The following ERG variants were observed in gnomAD, a reference collection of about 807,000 sequenced individuals.
ERG encodes the protein ETS transcription factor ERG, also known as transcriptional regulator ERG.
ERG carries 9 observed loss-of-function variants against 55.3 expected under a neutral mutation model. That is an observed-to-expected ratio of 0.16 (90% CI 0.10 to 0.28). ERG has a LOEUF of 0.28. Among genes scored for constraint, ERG ranks in the 10% least tolerant of loss-of-function variants. The pLI is 1.00. For missense variants in ERG, 434 were observed against 631.6 expected (o/e 0.69, Z 3.35); for synonymous variants, 223 against 237.3 (o/e 0.94, Z 0.55).
At chr21:38,421,856 AT>A (rs1989559057) in intron 3 of ERG, among the ~76,000 whole-genome samples, 1 of 152,004 alleles carries the variant, frequency 6.6e-6, no homozygotes, top group Non-Finnish European at 1.5e-5. Flanking sequence ...TTATTTTTTT[AT>A]TTTTATTATT....
chr21:38,421,445 G>A (rs1401220921), intron 3 of ERG, among the ~76,000 whole-genome samples: 3 of 152,154 alleles, frequency 2.0e-5, no homozygotes, highest in Non-Finnish European at 2.9e-5. Flanking sequence ...TCAAATCCAG[G>A]CCAGATGTTT....
At chr21:38,547,896 C>T (rs765984248) in intron 2 of ERG, among the ~76,000 whole-genome samples, 12 of 148,722 alleles carry the variant, frequency 8.1e-5, no homozygotes, top group Non-Finnish European at 1.6e-4. Context: ...AGGGTCTAAC[C>T]ACAAGGCATA....
chr21:38,426,082 C>T (rs1989811776), intron 2 of ERG, among the ~76,000 whole-genome samples: 1 of 152,196 alleles, frequency 6.6e-6, no homozygotes, highest in Non-Finnish European at 1.5e-5. Flanking sequence ...AGGACTCAGG[C>T]CCTAACATGG....
At chr21:38,537,528 AT>A (rs1601206374) in intron 2 of ERG, among the ~76,000 whole-genome samples, 2 of 152,224 alleles carry the variant, frequency 1.3e-5, no homozygotes, top group East Asian at 3.9e-4. Flanking sequence ...CTTGAACAGA[AT>A]TTTTTCCAAA....
intron 2 of ERG, among the ~76,000 whole-genome samples, chr21:38,540,215 C>T (rs2059742631): frequency 6.6e-6 from 1 of 152,116 alleles, no homozygotes; most frequent in Admixed American, 6.6e-5. Flanking sequence ...AATATTCAAA[C>T]ATATTTGGTT....
At chr21:38,405,380 T>C (rs1313085901) in intron 3 of ERG, among the ~76,000 whole-genome samples, 2 of 152,152 alleles carry the variant, frequency 1.3e-5, no homozygotes, top group South Asian at 2.1e-4. Context: ...TTAGTGAATG[T>C]CCCCTGTCCA....
chr21:38,405,440 C>T (rs1377322383), intron 3 of ERG, among the ~76,000 whole-genome samples: 1 of 152,104 alleles, frequency 6.6e-6, no homozygotes, highest in Non-Finnish European at 1.5e-5. Flanking sequence ...GGCCTGGGGT[C>T]CTTTCTGGAA....
chr21:38,424,184 CGAGCTCT>C (rs1555896873), intron 2 of ERG, among the ~76,000 whole-genome samples: 4 of 63,248 alleles, frequency 6.3e-5, no homozygotes, highest in Admixed American at 6.1e-4. Context: ...GACCAGAGCT[CGAGCTCT>C]CTCTCTCTCT....
chr21:38,464,084 T>A (rs893287071), intron 1 of ERG, among the ~76,000 whole-genome samples: 1 of 152,178 alleles, frequency 6.6e-6, no homozygotes, highest in Non-Finnish European at 1.5e-5. Context: ...CATGTTTTTT[T>A]TTTATGAAAT....
chr21:38,394,997 C>T (rs568291217), intron 6 of ERG, among the ~76,000 whole-genome samples: 1 of 152,176 alleles, frequency 6.6e-6, no homozygotes, highest in Admixed American at 6.5e-5. Context: ...TTCACAAAAT[C>T]CTTCATATGG....
chr21:38,381,692 G>A lies in ERG; in HGVS notation c.*1711C>T. The A allele has an allele frequency of 9.4e-7, 1 of 1,063,482 alleles. No homozygotes were observed. Among genetic ancestry groups the A allele is most frequent in the African/African-American group, 1.6e-5 (1 of 61,096 alleles). The allele number at this position is 1,063,482 out of a possible 1,614,324, so 65.9% of individuals were successfully genotyped here. A position where few individuals can be genotyped will look rare whatever the true frequency, so the allele number is the denominator to read the frequency against. ...TATTTTAATCATAGCAGGAATTAAGGGTGATTTGTGACCAGGTGCTGAACT... is the reference window on the plus strand; with the variant it reads ...TATTTTAATCATAGCAGGAATTAAGAGTGATTTGTGACCAGGTGCTGAACT... On this transcript the variant is annotated 3_prime_UTR_variant, in exon 10 of 10. Coordinates refer to ENST00000288319, the MANE Select transcript of ERG (RefSeq NM_182918.4).
At chr21:38,443,384 A>G (rs1029233819) in intron 2 of ERG, among the ~76,000 whole-genome samples, 1 of 152,112 alleles carries the variant, frequency 6.6e-6, no homozygotes, top group Non-Finnish European at 1.5e-5. Flanking sequence ...AATTGCTCAT[A>G]GGTAGAAATT....
At chr21:38,407,639 T>C (rs1988832802) in intron 3 of ERG, among the ~76,000 whole-genome samples, 1 of 147,078 alleles carries the variant, frequency 6.8e-6, no homozygotes, top group African/African-American at 2.5e-5. Flanking sequence ...AAAAGGTATA[T>C]ATATATTTAA....
At chr21:38,402,670 GA>G (rs141961937) in intron 4 of ERG, 33 bp from the exon 5 acceptor site, 3,707 of 583,046 alleles carry the variant, frequency 6.4e-3, no homozygotes, top group South Asian at 0.015. Flanking sequence ...ACATCAAAAT[GA>G]AAAAAAAAAG....
chr21:38,383,346 A>T lies in ERG; in HGVS notation c.*57T>A. Reference sequence around the variant, plus strand: ...ACTTTTGATTCATGTTCTCCGATAGAGTTTGTGGCGATGGGCTGGTGAATG... The same window carrying T: ...ACTTTTGATTCATGTTCTCCGATAGTGTTTGTGGCGATGGGCTGGTGAATG... On this transcript the variant is annotated 3_prime_UTR_variant, in exon 10 of 10. Transcript: ENST00000288319. This position sits in a 1 kb window ranked among gnomAD's most constrained non-coding sequence, Gnocchi z 5.7. 9.1e-6 allele frequency: 13 copies of T among 1,427,086 alleles called. No homozygotes were observed. The highest frequency in any genetic ancestry group is 1.2e-5 in the Non-Finnish European group (13 of 1,085,580). The allele number at this position is 1,427,086 out of a possible 1,614,324, so 88.4% of individuals were successfully genotyped here.
chr21:38,506,610 A>G (rs2059462593), intron 2 of ERG, among the ~76,000 whole-genome samples: 1 of 152,200 alleles, frequency 6.6e-6, no homozygotes, highest in Non-Finnish European at 1.5e-5. Context: ...TCCAAACATT[A>G]TGCACTTAAG....
intron 1 of ERG, among the ~76,000 whole-genome samples, chr21:38,651,069 G>A (rs1568973829): frequency 6.6e-6 from 1 of 152,246 alleles, no homozygotes; most frequent in Non-Finnish European, 1.5e-5. Flanking sequence ...GTCGCAGCAT[G>A]ATTCCGGCAA....
chr21:38,539,959 C>T (rs1010566185), intron 2 of ERG, among the ~76,000 whole-genome samples: 9 of 147,768 alleles, frequency 6.1e-5, no homozygotes, highest in African/African-American at 2.3e-4. Flanking sequence ...TACAGTGGCA[C>T]GATCTTGGCT....
intron 3 of ERG, among the ~76,000 whole-genome samples, chr21:38,419,966 C>T (rs1989461671): frequency 6.6e-6 from 1 of 151,944 alleles, no homozygotes; most frequent in Admixed American, 6.6e-5. Context: ...AGGGCCACTG[C>T]TATCTCTAGT....
Sources: allele counts gnomAD v4.1 joint callset (sites outside exome capture counted in the v4.1 genomes callset), GRCh38; gene constraint gnomAD v4.1.1; non-coding constraint Gnocchi (gnomAD v3.1); transcripts MANE v1.5; gene names NCBI Gene and HGNC (gene_info 2026-07-23, HGNC 2026-07-21).